PRUNE1: variants seen among roughly 807,000 people sequenced by gnomAD.
PRUNE1 encodes the protein exopolyphosphatase PRUNE1.
Under a neutral mutation model 42.5 loss-of-function variants are expected in PRUNE1, and 25 were observed. The ratio of observed to expected loss-of-function variants is 0.59; its 90% CI spans 0.43 to 0.82. The LOEUF is 0.82. Among genes scored for constraint, PRUNE1 ranks in the 40% least tolerant of loss-of-function variants. PRUNE1 has a pLI of 0.00. For missense variants in PRUNE1, 443 were observed against 539.3 expected (o/e 0.82, Z 1.77); for synonymous variants, 203 against 217.1 (o/e 0.93, Z 0.57).
intron 3 of PRUNE1, among the ~76,000 whole-genome samples, chr1:151,023,201 C>G (rs1007364468): frequency 2.6e-5 from 4 of 151,954 alleles, no homozygotes; most frequent in African/African-American, 9.7e-5. Context: ...TTTCTTTTTT[C>G]AAATGATCAT....
Position 151,034,339 on chromosome 1 carries a change from T to G in PRUNE1, c.*105T>G. ...CAATTCTGTCTTCATTGCTCCAGGA[T>G]CTGGTATACTGTTCTCATAAAACTG... is the stretch of plus-strand genomic sequence containing the variant. On this transcript the variant is annotated 3_prime_UTR_variant, in exon 8 of 8. Coordinates refer to ENST00000271620, the MANE Select transcript of PRUNE1 (RefSeq NM_021222.3). The G allele has an allele frequency of 2.5e-6, 3 of 1,207,384 alleles. No individual in the cohort carries two copies. Among genetic ancestry groups the G allele is most frequent in the South Asian group, 2.8e-5 (2 of 71,428 alleles). The allele number at this position is 1,207,384 out of a possible 1,614,324, so 74.8% of individuals were successfully genotyped here.
chr1:151,029,993 G>T (rs1000749320), intron 7 of PRUNE1, among the ~76,000 whole-genome samples: 1 of 152,004 alleles, frequency 6.6e-6, no homozygotes, highest in African/African-American at 2.4e-5. Flanking sequence ...GCTGGGTGCG[G>T]TGGCTCACAC....
intron 1 of PRUNE1, among the ~76,000 whole-genome samples, chr1:151,015,769 C>T (rs1435655516): frequency 6.6e-6 from 1 of 151,946 alleles, no homozygotes; most frequent in African/African-American, 2.4e-5. Flanking sequence ...GCGCCATGCA[C>T]TCCAGCCTGG....
rs1274447816 is a variant in PRUNE1, at chr1:151,008,460, C to T, written c.-173C>T. ...CCGGACTCCGGAGCGCCCGCTTACGCAGTTCCTCCCGGGGTCGGAGGCCGA... is the reference window on the plus strand; with the variant it reads ...CCGGACTCCGGAGCGCCCGCTTACGTAGTTCCTCCCGGGGTCGGAGGCCGA... On this transcript the variant is annotated 5_prime_UTR_variant, in exon 1 of 8. Transcript: ENST00000271620. 9.9e-6 allele frequency: 11 copies of T among 1,106,586 alleles called. No homozygotes were observed. The highest frequency in any genetic ancestry group is 3.1e-5 in the African/African-American group (2 of 63,910). 68.5% of individuals were successfully genotyped at this position (1,106,586 alleles called of 1,614,324 possible).
chr1:151,024,565 C>G (rs765241660), intron 3 of PRUNE1, 46 bp from the exon 4 acceptor site: 1 of 1,533,296 alleles, frequency 6.5e-7, no homozygotes, highest in Non-Finnish European at 9.0e-7. Flanking sequence ...GCTGGAGTGT[C>G]CGTACCTATC....
intron 7 of PRUNE1, among the ~76,000 whole-genome samples, chr1:151,029,952 G>A (rs1675138209): frequency 6.6e-6 from 1 of 151,848 alleles, no homozygotes; most frequent in East Asian, 1.9e-4. Flanking sequence ...TTACTGATTA[G>A]CCTAGGGAAG....
At chr1:151,017,961 A>AATCCAGATCT in intron 2 of PRUNE1, 57 bp downstream of exon 2, 2 of 1,236,456 alleles carry the variant, frequency 1.6e-6, no homozygotes, top group Non-Finnish European at 2.4e-6. Context: ...AAAGATCTGG[A>AATCCAGATCT]TTCAAGACCC....
intron 3 of PRUNE1, among the ~76,000 whole-genome samples, chr1:151,023,925 G>A (rs1366817705): frequency 1.3e-5 from 2 of 151,954 alleles, no homozygotes; most frequent in Non-Finnish European, 2.9e-5. Flanking sequence ...GCTCACGCCT[G>A]TAATCCCAGC....
chr1:151,024,529 T>G, intron 3 of PRUNE1, 82 bp from the exon 4 acceptor site: 6 of 1,269,750 alleles, frequency 4.7e-6, no homozygotes, highest in Non-Finnish European at 6.7e-6. Context: ...TTCCTTGATG[T>G]GTGGGGTAGA....
intron 5 of PRUNE1, 102 bp from the exon 6 acceptor site, chr1:151,027,130 GA>G: frequency 1.4e-6 from 1 of 704,904 alleles, no homozygotes; most frequent in Non-Finnish European, 2.4e-6. Context: ...GCCCCAAAGA[GA>G]GGCTGTTTTT....
chr1:151,027,937 C>T (rs758719143), intron 6 of PRUNE1, among the ~76,000 whole-genome samples: 1 of 152,042 alleles, frequency 6.6e-6, no homozygotes, highest in Admixed American at 6.6e-5. Flanking sequence ...TTAATAAAAT[C>T]TAAAGGACTT....
chr1:151,033,790 A>T lies in PRUNE1; in HGVS notation c.934-16A>T, dbSNP rs201713554. ...GCAAGTTGTGTATCATTTCCCTGTTATTGTCTCCTCTTTAGATCTGTGAAG... is the reference window on the plus strand; with the variant it reads ...GCAAGTTGTGTATCATTTCCCTGTTTTTGTCTCCTCTTTAGATCTGTGAAG... On this transcript the variant is annotated splice_polypyrimidine_tract_variant and intron_variant, in intron 7 of 7. Transcript: ENST00000271620. The T allele has an allele frequency of 2.5e-4, 405 of 1,602,064 alleles. No homozygotes were observed. Among genetic ancestry groups the T allele is most frequent in the Middle Eastern group, 1.2e-3 (7 of 6,028 alleles).
chr1:151,021,682 C>T (rs1391297942), intron 3 of PRUNE1, among the ~76,000 whole-genome samples: 1 of 151,816 alleles, frequency 6.6e-6, no homozygotes, highest in African/African-American at 2.4e-5. Flanking sequence ...GAGCATTATC[C>T]ATCTATGGAT....
At chr1:151,030,991 G>A (rs1675205391) in intron 7 of PRUNE1, among the ~76,000 whole-genome samples, 1 of 152,084 alleles carries the variant, frequency 6.6e-6, no homozygotes, top group African/African-American at 2.4e-5. Context: ...TGTAAATAGT[G>A]GCTCTTACTA....
intron 3 of PRUNE1, among the ~76,000 whole-genome samples, chr1:151,023,402 C>A (rs587719316): frequency 2.0e-5 from 3 of 152,130 alleles, no homozygotes; most frequent in African/African-American, 7.2e-5. Flanking sequence ...CACATGGAAT[C>A]TAAGTATTGA....
chr1:151,015,332 GAAAA>G, intron 1 of PRUNE1, among the ~76,000 whole-genome samples: 1 of 56,440 alleles, frequency 1.8e-5, no homozygotes, highest in African/African-American at 6.5e-5. Flanking sequence ...GACTCCATCT[GAAAA>G]AAAAAAAAAA....
In PRUNE1 at chr1:151,018,251, A is replaced by G. The variant is rs940745559; in HGVS notation, c.133-216A>G. Reference sequence around the variant, plus strand: ...CTTCTCTGCAGCATTGCATCTAGAAATAGGTATTTACCATGAGTTACCTTG... The same window carrying G: ...CTTCTCTGCAGCATTGCATCTAGAAGTAGGTATTTACCATGAGTTACCTTG... On this transcript the variant is annotated intron_variant, in intron 2 of 7. Coordinates refer to ENST00000271620, the MANE Select transcript of PRUNE1 (RefSeq NM_021222.3). 7 of 729,544 alleles carry G rather than the reference A, an allele frequency of 9.6e-6. No homozygotes were observed. The African/African-American group carries it at 1.0e-4, about 11-fold the overall frequency. 45.2% of individuals were successfully genotyped at this position (729,544 alleles called of 1,614,324 possible). A position where few individuals can be genotyped will look rare whatever the true frequency, so the allele number is the denominator to read the frequency against.
At chr1:151,014,768 C>T (rs371701281) in intron 1 of PRUNE1, among the ~76,000 whole-genome samples, 3 of 152,236 alleles carry the variant, frequency 2.0e-5, no homozygotes, top group African/African-American at 7.2e-5. Flanking sequence ...AGTTTTGCCC[C>T]CCAGGGAACA....
chr1:151,025,745 A>AT (rs55774303), intron 5 of PRUNE1, 72 bp downstream of exon 5: 13,668 of 1,127,914 alleles, frequency 0.012, 1 homozygote, highest in East Asian at 0.024. Flanking sequence ...TCATTATATT[A>AT]TTTTTTTTTT....
Sources: allele counts gnomAD v4.1 joint callset (sites outside exome capture counted in the v4.1 genomes callset), GRCh38; gene constraint gnomAD v4.1.1; transcripts MANE v1.5; gene names NCBI Gene and HGNC (gene_info 2026-07-23, HGNC 2026-07-21).